Variants in PIP4K2A observed in about 807,000 individuals in gnomAD.
The protein encoded by PIP4K2A is phosphatidylinositol-5-phosphate 4-kinase type 2 alpha.
In PIP4K2A, 14 loss-of-function variants were observed where a neutral mutation model predicts 42.9. The observed-to-expected ratio is 0.33, with a 90% confidence interval of 0.22 to 0.51. The LOEUF (loss-of-function observed/expected upper bound fraction) is 0.51, where lower values mean the gene tolerates loss of function less well. Ranked by LOEUF, PIP4K2A falls within the 20% of genes least tolerant of loss-of-function variation. PIP4K2A has a pLI of 0.97. For synonymous variants in PIP4K2A, 192 were observed against 192.2 expected (o/e 1.00, Z 0.01); for missense variants, 434 against 519.8 (o/e 0.83, Z 1.61).
At chr10:22,681,394 C>CTT (rs1839657521) in intron 1 of PIP4K2A, among the ~76,000 whole-genome samples, 1 of 152,232 alleles carries the variant, frequency 6.6e-6, no homozygotes, top group Admixed American at 6.5e-5. Flanking sequence ...GGCTTCTCAG[C>CTT]CAGACACAGT....
intron 5 of PIP4K2A, chr10:22,568,889 C>A: frequency 1.5e-6 from 1 of 671,456 alleles, no homozygotes. Flanking sequence ...GCTCCCTTCC[C>A]CTCCTGCACT....
At chr10:22,561,654 C>T (rs1836706106) in intron 6 of PIP4K2A, among the ~76,000 whole-genome samples, 1 of 143,244 alleles carries the variant, frequency 7.0e-6, no homozygotes, top group South Asian at 2.3e-4. Flanking sequence ...CGGCTCACTG[C>T]AGCATCGACA....
chr10:22,665,800 T>TTA (rs1247527792), intron 1 of PIP4K2A, among the ~76,000 whole-genome samples: 1 of 151,490 alleles, frequency 6.6e-6, no homozygotes, highest in Non-Finnish European at 1.5e-5. Context: ...ATAAATATAT[T>TTA]TATATATATA....
chr10:22,603,721 C>A (rs2130841069), intron 3 of PIP4K2A, among the ~76,000 whole-genome samples: 1 of 152,248 alleles, frequency 6.6e-6, no homozygotes, highest in East Asian at 1.9e-4. Flanking sequence ...AAATCCCAGA[C>A]CTCAGGGTGA....
chr10:22,707,248 A>G (rs36071724), intron 1 of PIP4K2A, among the ~76,000 whole-genome samples: 17,410 of 152,252 alleles, frequency 0.11, 1,349 homozygotes, highest in Non-Finnish European at 0.17. Context: ...TACCATTATT[A>G]CCTCCTTTTA....
At chr10:22,640,574 C>T (rs1485951539) in intron 1 of PIP4K2A, among the ~76,000 whole-genome samples, 2 of 152,152 alleles carry the variant, frequency 1.3e-5, no homozygotes, top group African/African-American at 2.4e-5. Flanking sequence ...GGGTGGAGTG[C>T]CCAGTGACCC....
At chr10:22,683,102 G>A (rs1026073784) in intron 1 of PIP4K2A, among the ~76,000 whole-genome samples, 3 of 151,688 alleles carry the variant, frequency 2.0e-5, no homozygotes, top group Non-Finnish European at 2.9e-5. Flanking sequence ...CAGCTGACAC[G>A]ACAGTACAGT....
At chr10:22,664,332 T>C (rs939667523) in intron 1 of PIP4K2A, among the ~76,000 whole-genome samples, 1 of 149,336 alleles carries the variant, frequency 6.7e-6, no homozygotes, top group African/African-American at 2.5e-5. Context: ...CAGCAATGTG[T>C]AACTGTTGTT....
intron 6 of PIP4K2A, among the ~76,000 whole-genome samples, chr10:22,565,258 T>G (rs1836817877): frequency 6.6e-6 from 1 of 152,216 alleles, no homozygotes; most frequent in East Asian, 1.9e-4. Flanking sequence ...TCATGCCTAC[T>G]GGATATCTCT....
chr10:22,669,276 A>C (rs1391219394), intron 1 of PIP4K2A, among the ~76,000 whole-genome samples: 1 of 152,140 alleles, frequency 6.6e-6, no homozygotes, highest in Non-Finnish European at 1.5e-5. Context: ...GCATAACGAC[A>C]CTGCAGTCAA....
chr10:22,544,651 G>A (rs533263998), intron 7 of PIP4K2A, among the ~76,000 whole-genome samples: 14 of 152,238 alleles, frequency 9.2e-5, no homozygotes, highest in African/African-American at 3.4e-4. Context: ...CACCCCTCCA[G>A]TCCTCTGCAA....
chr10:22,590,455 A>G (rs181836473), intron 4 of PIP4K2A, among the ~76,000 whole-genome samples: 1 of 152,352 alleles, frequency 6.6e-6, no homozygotes, highest in East Asian at 1.9e-4. Context: ...CACATTGAGT[A>G]TCTAGTGTGT....
chr10:22,573,415 A>G lies in PIP4K2A; in HGVS notation c.535T>C (p.Leu179=). 6.2e-7 allele frequency: 1 copy of G among 1,614,010 alleles called. No individual in the cohort carries two copies. Among genetic ancestry groups the G allele is most frequent in the Non-Finnish European group, 8.5e-7 (1 of 1,179,860 alleles). ...CHGITLLPQF[L]GMYRLNVDGV... Reference sequence around the variant, plus strand: ...TCAACATTAAGCCGGTACATGCCCAAGAACTGGGGAAGAAGGGTGATCCCA... The same window carrying G: ...TCAACATTAAGCCGGTACATGCCCAGGAACTGGGGAAGAAGGGTGATCCCA... The change falls in exon 5 of 10, where the codon TTG becomes CTG. Residue 179 remains leucine, a synonymous_variant. Coordinates refer to ENST00000376573, the MANE Select transcript of PIP4K2A (RefSeq NM_005028.5).
intron 4 of PIP4K2A, among the ~76,000 whole-genome samples, chr10:22,585,829 C>G (rs554506034): frequency 6.6e-6 from 1 of 152,262 alleles, no homozygotes; most frequent in East Asian, 1.9e-4. Context: ...CTCCTGGCCT[C>G]AAGTGATCCG....
At chr10:22,628,992 C>T (rs567946603) in intron 1 of PIP4K2A, among the ~76,000 whole-genome samples, 1 of 152,238 alleles carries the variant, frequency 6.6e-6, no homozygotes, top group South Asian at 2.1e-4. Flanking sequence ...ACACCCTTGG[C>T]CTACAGGAGG....
At position 22,574,367 on chromosome 10, in the gene PIP4K2A, T is replaced by C. The variant is rs575732075; in HGVS notation, c.493-910A>G. Among the ~76,000 whole-genome samples the C allele has an allele frequency of 4.6e-5, 7 of 152,072 alleles. No homozygotes were observed. In the East Asian group the frequency reaches 1.4e-3, roughly 29 times the overall value. On this transcript the variant is annotated intron_variant, in intron 4 of 9. Coordinates refer to ENST00000376573, the MANE Select transcript of PIP4K2A (RefSeq NM_005028.5). ...CTGTAAACACCATACATGTTGGGCA[T>C]ATTCAGAGATGCTAATGATGCAATT... is the stretch of plus-strand genomic sequence containing the variant.
intron 5 of PIP4K2A, chr10:22,568,880 C>T (rs1836912621): frequency 1.6e-6 from 1 of 636,126 alleles, no homozygotes; most frequent in Non-Finnish European, 2.7e-6. Context: ...ATTTCCTGGG[C>T]TCCCTTCCCC....
chr10:22,593,038 G>C (rs1837549100), intron 3 of PIP4K2A, among the ~76,000 whole-genome samples: 1 of 152,208 alleles, frequency 6.6e-6, no homozygotes, highest in African/African-American at 2.4e-5. Context: ...GTATATTCCA[G>C]TCTCTTTATC....
intron 1 of PIP4K2A, among the ~76,000 whole-genome samples, chr10:22,623,162 AC>A (rs1838366454): frequency 6.6e-6 from 1 of 151,924 alleles, no homozygotes; most frequent in African/African-American, 2.4e-5. Context: ...GCTACCATTG[AC>A]TTTTTTTTTA....
Sources: allele counts gnomAD v4.1 joint callset (sites outside exome capture counted in the v4.1 genomes callset), GRCh38; gene constraint gnomAD v4.1.1; transcripts MANE v1.5; gene names NCBI Gene and HGNC (gene_info 2026-07-23, HGNC 2026-07-21).